SLC3A1: variants seen among roughly 807,000 people sequenced by gnomAD.
SLC3A1 encodes the protein amino acid transporter heavy chain SLC3A1.
In SLC3A1, 78 loss-of-function variants were observed where a neutral mutation model predicts 60.3. That is an observed-to-expected ratio of 1.29 (90% CI 1.08 to 1.56). The LOEUF (loss-of-function observed/expected upper bound fraction) is 1.56. Ranked by LOEUF, SLC3A1 falls within the 40% of genes most tolerant of loss-of-function variation. The pLI is 0.00. For synonymous variants in SLC3A1, 392 were observed against 307.9 expected (o/e 1.27, Z -2.86); for missense variants, 1,172 against 858.9 (o/e 1.36, Z -4.56).
At chr2:44,304,803 C>A (rs1558464833) in intron 7 of SLC3A1, among the ~76,000 whole-genome samples, 1 of 143,846 alleles carries the variant, frequency 7.0e-6, no homozygotes, top group Non-Finnish European at 1.5e-5. Context: ...GTACTACACT[C>A]TTGAAAACAA....
intron 9 of SLC3A1, among the ~76,000 whole-genome samples, chr2:44,316,598 A>G (rs1672466808): frequency 6.6e-6 from 1 of 152,226 alleles, no homozygotes; most frequent in South Asian, 2.1e-4. Flanking sequence ...AGATAAAGGA[A>G]GACTTTGTCT....
intron 9 of SLC3A1, chr2:44,317,979 C>G: frequency 3.6e-6 from 1 of 276,678 alleles, no homozygotes; most frequent in South Asian, 2.9e-5. Flanking sequence ...AAGCTTGCAA[C>G]CCAGCTATAG....
intron 7 of SLC3A1, among the ~76,000 whole-genome samples, chr2:44,309,582 G>C (rs951900512): frequency 6.6e-6 from 1 of 152,130 alleles, no homozygotes; most frequent in African/African-American, 2.4e-5. Context: ...GAGTGGAATT[G>C]CTGGATCACA....
intron 6 of SLC3A1, among the ~76,000 whole-genome samples, chr2:44,303,477 T>G (rs1672069570): frequency 6.6e-6 from 1 of 151,938 alleles, no homozygotes; most frequent in African/African-American, 2.4e-5. Flanking sequence ...CCTCAAGTTA[T>G]CCACCTGCCT....
intron 7 of SLC3A1, among the ~76,000 whole-genome samples, chr2:44,309,410 C>G (rs1463921465): frequency 1.3e-5 from 2 of 152,192 alleles, no homozygotes; most frequent in African/African-American, 4.8e-5. Flanking sequence ...CTTCTTATGA[C>G]TGAATAACAT....
rs1435955675 is a variant in SLC3A1 at position 44,320,607 on chromosome 2, A to T, written c.2026A>T (p.Ser676Cys). 22 of 1,613,908 alleles carry T rather than the reference A, an allele frequency of 1.4e-5. No individual in the cohort carries two copies. The highest frequency in any genetic ancestry group is 4.0e-5 in the African/African-American group (3 of 74,910). ...CFVSNRACYS[S>C]VLNILYTSC ...TGTTTCCAATCGAGCATGCTATTCC[A>T]GTGTACTGAACATACTGTATACCTC... The change falls in exon 10 of 10, where the codon AGT (serine) becomes TGT (cysteine). Residue 676 changes from serine (S) to cysteine (C), a missense_variant. By Grantham distance (112) the Ser-to-Cys change is moderately radical. Transcript: ENST00000260649.
chr2:44,281,896 T>C (rs1671508224), intron 3 of SLC3A1, among the ~76,000 whole-genome samples: 1 of 152,050 alleles, frequency 6.6e-6, no homozygotes, highest in African/African-American at 2.4e-5. Context: ...TTTCTTGAGA[T>C]GTAGTTTTGC....
intron 6 of SLC3A1, among the ~76,000 whole-genome samples, chr2:44,301,754 AAAG>A (rs1362393340): frequency 2.0e-5 from 3 of 151,168 alleles, no homozygotes; most frequent in Non-Finnish European, 2.9e-5. Flanking sequence ...AAAAAAAAAA[AAAG>A]AACCAAAAAA....
At position 44,321,007 on chromosome 2, in the gene SLC3A1, T is replaced by C; in HGVS notation, c.*368T>C. 3 of 382,440 alleles carry C rather than the reference T, an allele frequency of 7.8e-6. No individual in the cohort carries two copies. Among genetic ancestry groups the C allele is most frequent in the Non-Finnish European group, 1.4e-5 (3 of 208,144 alleles). The allele number at this position is 382,440 out of a possible 1,614,324, so 23.7% of individuals were successfully genotyped here. A position where few individuals can be genotyped will look rare whatever the true frequency, so the allele number is the denominator to read the frequency against. ...CTCACTGCCACAGTGTCTAAAAGCA[T>C]TTGCTAGCAAAGAGGCAGGACACTA... On this transcript the variant is annotated 3_prime_UTR_variant, in exon 10 of 10. Coordinates refer to ENST00000260649, the MANE Select transcript of SLC3A1 (RefSeq NM_000341.4).
At position 44,276,063 on chromosome 2, in the gene SLC3A1, A is replaced by G. The variant is rs572693575; in HGVS notation, c.430+98A>G. ...CAAATTATGCCTGGGTTGTTCAGTA[A>G]GCACATTCCATTATGACTGGTCATG... On this transcript the variant is annotated intron_variant, in intron 1 of 9. Coordinates refer to ENST00000260649, the MANE Select transcript of SLC3A1 (RefSeq NM_000341.4). 1.4e-5 allele frequency: 15 copies of G among 1,074,504 alleles called. No homozygotes were observed. In the South Asian group the frequency reaches 1.8e-4, roughly 13 times the overall value. The allele number at this position is 1,074,504 out of a possible 1,614,324, so 66.6% of individuals were successfully genotyped here. A position where few individuals can be genotyped will look rare whatever the true frequency, so the allele number is the denominator to read the frequency against.
intron 8 of SLC3A1, 140 bp downstream of exon 8, chr2:44,312,893 T>A: frequency 1.4e-6 from 1 of 699,710 alleles, no homozygotes. Context: ...TTTCTTACTG[T>A]TAGTAAGAAT....
At chr2:44,319,310 G>A (rs1247627279) in intron 9 of SLC3A1, 27 of 152,524 alleles carry the variant, frequency 1.8e-4, no homozygotes, top group Non-Finnish European at 2.9e-5. Flanking sequence ...AGAATAATTT[G>A]GCATTATGTA....
intron 4 of SLC3A1, among the ~76,000 whole-genome samples, chr2:44,288,066 C>T (rs1010415332): frequency 6.7e-6 from 1 of 149,352 alleles, no homozygotes; most frequent in African/African-American, 2.5e-5. Flanking sequence ...CTTGCTCTGT[C>T]GCCCAGGCTG....
At chr2:44,293,465 C>T (rs561824292) in intron 4 of SLC3A1, among the ~76,000 whole-genome samples, 3 of 151,812 alleles carry the variant, frequency 2.0e-5, no homozygotes, top group South Asian at 2.1e-4. Context: ...TGCAGTGAGC[C>T]GAGATCATGC....
In SLC3A1 at chr2:44,305,985, G is replaced by C. The variant is rs76398742; in HGVS notation, c.1332+1647G>C. On this transcript the variant is annotated intron_variant, in intron 7 of 9. Coordinates refer to ENST00000260649, the MANE Select transcript of SLC3A1 (RefSeq NM_000341.4). ...TCCACGATGTCTGCTTTCCCCACTA[G>C]ACAGTTCACTGGTTAAGGGCAGAGG... Among the ~76,000 whole-genome samples, 1,502 of 152,222 alleles carry C rather than the reference G, an allele frequency of 9.9e-3. 28 individuals are homozygous for C. Among genetic ancestry groups the C allele is most frequent in the African/African-American group, 0.035 (1,441 of 41,536 alleles).
At chr2:44,296,506 T>C (rs747154042) in intron 4 of SLC3A1, among the ~76,000 whole-genome samples, 1 of 152,226 alleles carries the variant, frequency 6.6e-6, no homozygotes, top group Non-Finnish European at 1.5e-5. Context: ...TAGAGATTAC[T>C]GGAGGTTATT....
In SLC3A1 at chr2:44,310,626, T is replaced by G. The variant is rs571579818; in HGVS notation, c.1333-1960T>G. 1.5e-3 allele frequency among the ~76,000 whole-genome samples: 225 copies of G among 152,336 alleles called. No individual in the cohort carries two copies. In the Middle Eastern group the frequency reaches 0.02, roughly 14 times the overall value. ...TGGGTTTTTAAAAATTTTGTCCTAC[T>G]TGGAGTTCATTGAGGTTCTTAGATA... On this transcript the variant is annotated intron_variant, in intron 7 of 9. Transcript: ENST00000260649.
In SLC3A1 at chr2:44,320,557, A is replaced by G. The variant is rs1367475597; in HGVS notation, c.1976A>G (p.Gln659Arg). Residue 659 changes from glutamine to arginine, a missense_variant, in exon 10 of 10, where the codon CAA (glutamine) becomes CGA (arginine). Transcript: ENST00000260649. ...AACACGAAGAATCTCCTTCATCGCC[A>G]AACAGCTTTCAGAGATAGATGCTTT... ...EHNTKNLLHRQTAFRDRCFVS... is the reference protein window; with the variant it reads ...EHNTKNLLHRRTAFRDRCFVS... 6.8e-6 allele frequency: 11 copies of G among 1,613,962 alleles called. No homozygotes were observed. The highest frequency in any genetic ancestry group is 8.5e-6 in the Non-Finnish European group (10 of 1,179,942).
At position 44,321,224 on chromosome 2, in the gene SLC3A1, A is replaced by T; in HGVS notation, c.*585A>T. On this transcript the variant is annotated 3_prime_UTR_variant, in exon 10 of 10. Transcript: ENST00000260649. The stretch of plus-strand genomic sequence containing the variant: ...GAGATGTAGACTAAGCAAAATTTAG[A>T]TGGAGAAGCACATTTTAAAAAATTA... 2.5e-6 allele frequency: 2 copies of T among 790,700 alleles called. No homozygotes were observed. The highest frequency in any genetic ancestry group is 3.8e-5 in the South Asian group (2 of 52,522). 49.0% of individuals were successfully genotyped at this position (790,700 alleles called of 1,614,324 possible).
Sources: gnomAD v4.1 joint callset for allele counts (sites outside exome capture counted in the v4.1 genomes callset) on GRCh38, gnomAD v4.1.1 for gene constraint, MANE v1.5 for transcripts, NCBI Gene and HGNC (gene_info 2026-07-23, HGNC 2026-07-21) for gene names.